Variants in ATP6V1C1 observed in about 807,000 individuals in gnomAD.
ATP6V1C1 encodes the protein V-type proton ATPase subunit C 1.
Under a neutral mutation model 53.9 loss-of-function variants are expected in ATP6V1C1, and 45 were observed. That is an observed-to-expected ratio of 0.83 (90% CI 0.66 to 1.07). ATP6V1C1 has a LOEUF of 1.07. Among genes scored for constraint, ATP6V1C1 ranks in the 50% least tolerant of loss-of-function variants. The pLI is 0.00. For synonymous variants in ATP6V1C1, 153 were observed against 155.2 expected, an observed-to-expected ratio of 0.99 and a Z score of 0.11; for missense variants, 315 against 440.3, an observed-to-expected ratio of 0.72 and a Z score of 2.55.
intron 11 of ATP6V1C1, among the ~76,000 whole-genome samples, chr8:103,065,251 A>G (rs1172683092): frequency 6.6e-6 from 1 of 152,238 alleles, no homozygotes; most frequent in African/African-American, 2.4e-5. Context: ...CATATTAGAA[A>G]TAGTTTTAAA....
At position 103,068,869 on chromosome 8, in the gene ATP6V1C1, G is replaced by A. The variant is rs118043637; in HGVS notation, c.*122G>A. ...GCTTGCTTCTTACGCCCTTTCCTAG[G>A]TGAATTCTCCCACAGTGGTCTGTAT... On this transcript the variant is annotated 3_prime_UTR_variant, in exon 13 of 13. Coordinates refer to ENST00000518738, the MANE Select transcript of ATP6V1C1 (RefSeq NM_001695.5). 153 of 602,306 alleles carry A rather than the reference G, an allele frequency of 2.5e-4. No homozygotes were observed. The highest frequency in any genetic ancestry group is 3.7e-4 in the Non-Finnish European group (141 of 384,842). 37.3% of individuals were successfully genotyped at this position (602,306 alleles called of 1,614,324 possible). A position where few individuals can be genotyped will look rare whatever the true frequency, so the allele number is the denominator to read the frequency against.
intron 1 of ATP6V1C1, among the ~76,000 whole-genome samples, chr8:103,031,649 C>T (rs1202016308): frequency 1.3e-5 from 2 of 152,190 alleles, no homozygotes; most frequent in South Asian, 2.1e-4. Context: ...AGACACCTCC[C>T]ACCAGGCCCC....
intron 8 of ATP6V1C1, among the ~76,000 whole-genome samples, chr8:103,060,115 G>A (rs963087149): frequency 6.6e-6 from 1 of 151,696 alleles, no homozygotes; most frequent in Admixed American, 6.6e-5. Flanking sequence ...TTACAGGCAT[G>A]TGCCACCACA....
At chr8:103,024,048 G>C (rs1816653353) in intron 1 of ATP6V1C1, among the ~76,000 whole-genome samples, 1 of 152,130 alleles carries the variant, frequency 6.6e-6, no homozygotes, top group African/African-American at 2.4e-5. Context: ...TCATCTGGAG[G>C]AAATAATGAA....
intron 1 of ATP6V1C1, among the ~76,000 whole-genome samples, chr8:103,022,894 A>G (rs546566705): frequency 6.6e-6 from 1 of 152,152 alleles, no homozygotes; most frequent in South Asian, 2.1e-4. Context: ...TACCAAAAAT[A>G]AAAAAATAAC....
At chr8:103,056,419 CT>C (rs1817289762) in intron 8 of ATP6V1C1, among the ~76,000 whole-genome samples, 1 of 152,212 alleles carries the variant, frequency 6.6e-6, no homozygotes, top group African/African-American at 2.4e-5. Context: ...TTGTGTGTTC[CT>C]TTTATTTAAA....
chr8:103,030,843 T>C (rs965997903), intron 1 of ATP6V1C1, among the ~76,000 whole-genome samples: 27 of 152,172 alleles, frequency 1.8e-4, no homozygotes, highest in African/African-American at 6.0e-4. Flanking sequence ...GAGCTTATGG[T>C]GCTGGGAGGC....
At chr8:103,053,858 C>A (rs757885994) in intron 6 of ATP6V1C1, 26 bp from the exon 7 acceptor site, 1 of 1,520,148 alleles carries the variant, frequency 6.6e-7, no homozygotes, top group Non-Finnish European at 9.1e-7. Context: ...TAATTATCAG[C>A]CTAATGATTT....
Position 103,070,472 on chromosome 8 carries a change from G to A in ATP6V1C1, c.*1725G>A, listed in dbSNP as rs932132515. The A allele has an allele frequency of 1.3e-5, 2 of 152,238 alleles. No individual in the cohort carries two copies. Among genetic ancestry groups the A allele is most frequent in the Non-Finnish European group, 2.9e-5 (2 of 68,048 alleles). 9.4% of individuals were successfully genotyped at this position (152,238 alleles called of 1,614,324 possible). A position where few individuals can be genotyped will look rare whatever the true frequency, so the allele number is the denominator to read the frequency against. ...GTTTTTCTTTGGACAAGAGGAAGCT[G>A]TGAAAGATTTTGCTATCAGAAAATT... On this transcript the variant is annotated 3_prime_UTR_variant, in exon 13 of 13. Coordinates refer to ENST00000518738, the MANE Select transcript of ATP6V1C1 (RefSeq NM_001695.5).
intron 8 of ATP6V1C1, among the ~76,000 whole-genome samples, chr8:103,060,420 T>C (rs1265050449): frequency 6.6e-6 from 1 of 152,240 alleles, no homozygotes; most frequent in East Asian, 1.9e-4. Flanking sequence ...TGAAACTCCT[T>C]TGAATCCCCT....
rs1469544092 is a variant in ATP6V1C1, at chr8:103,063,059, G to A, written c.734+12G>A. 1 of 1,612,826 alleles carries A rather than the reference G, an allele frequency of 6.2e-7. No individual in the cohort carries two copies. Among genetic ancestry groups the A allele is most frequent in the Non-Finnish European group, 8.5e-7 (1 of 1,179,340 alleles). ...GCCAGAGAAAACAAGTAAGATTATT[G>A]TTTTTTTGTTTATTTACTTTGTTAG... On this transcript the variant is annotated intron_variant, in intron 9 of 12. Transcript: ENST00000518738.
chr8:103,035,356 C>G (rs1816875956), intron 1 of ATP6V1C1, among the ~76,000 whole-genome samples: 1 of 152,068 alleles, frequency 6.6e-6, no homozygotes, highest in Admixed American at 6.6e-5. Context: ...ATTAATTCAA[C>G]AGGCATTTAT....
intron 7 of ATP6V1C1, 85 bp downstream of exon 7, chr8:103,054,067 T>C: frequency 9.2e-7 from 1 of 1,090,828 alleles, no homozygotes; most frequent in Non-Finnish European, 1.3e-6. Flanking sequence ...AAGTTTTCCA[T>C]AAAATCCAAG....
In ATP6V1C1 at chr8:103,069,879, T is replaced by A. The variant is rs1198971583; in HGVS notation, c.*1132T>A. On this transcript the variant is annotated 3_prime_UTR_variant, in exon 13 of 13. Coordinates refer to ENST00000518738, the MANE Select transcript of ATP6V1C1 (RefSeq NM_001695.5). ...GCCTCCAAAATCTTTTGTTTCAAAA[T>A]ATTATATTATTTCATAAATAATTTC... is the stretch of plus-strand genomic sequence containing the variant. 6.6e-6 allele frequency: 1 copy of A among 152,244 alleles called. No individual in the cohort carries two copies. The highest frequency in any genetic ancestry group is 1.5e-5 in the Non-Finnish European group (1 of 68,040). The allele number at this position is 152,244 out of a possible 1,614,324, so 9.4% of individuals were successfully genotyped here. A position where few individuals can be genotyped will look rare whatever the true frequency, so the allele number is the denominator to read the frequency against.
Position 103,062,939 on chromosome 8 carries a change from T to A in ATP6V1C1, c.642-16T>A. 6.3e-7 allele frequency: 1 copy of A among 1,589,442 alleles called. No homozygotes were observed. Among genetic ancestry groups the A allele is most frequent in the Non-Finnish European group, 8.6e-7 (1 of 1,165,046 alleles). ...ATACGTATAAATCTTTAAATGGACT[T>A]TTTTTTTTTCCATAGTGTTCTTTCA... On this transcript the variant is annotated splice_polypyrimidine_tract_variant and intron_variant, in intron 8 of 12. Coordinates refer to ENST00000518738, the MANE Select transcript of ATP6V1C1 (RefSeq NM_001695.5).
At chr8:103,057,123 G>T (rs922131976) in intron 8 of ATP6V1C1, among the ~76,000 whole-genome samples, 10 of 152,216 alleles carry the variant, frequency 6.6e-5, no homozygotes, top group African/African-American at 2.4e-4. Context: ...ATGAAAGAAA[G>T]TACACTCCAC....
chr8:103,064,209 G>A (rs1024721959), intron 10 of ATP6V1C1, among the ~76,000 whole-genome samples: 2 of 152,120 alleles, frequency 1.3e-5, no homozygotes, highest in Non-Finnish European at 2.9e-5. Context: ...AGAATGTAAA[G>A]AGGTTTTAGA....
intron 11 of ATP6V1C1, 51 bp from the exon 12 acceptor site, chr8:103,066,270 C>T (rs772503584): frequency 7.1e-6 from 11 of 1,551,850 alleles, no homozygotes; most frequent in Non-Finnish European, 7.8e-6. Context: ...AAAAGAAAAT[C>T]TCTTTACATG....
At position 103,024,963 on chromosome 8, in the gene ATP6V1C1, T is replaced by C. The variant is rs536424588; in HGVS notation, c.-40+3738T>C. On this transcript the variant is annotated intron_variant, in intron 1 of 12. Transcript: ENST00000518738. The stretch of plus-strand genomic sequence containing the variant: ...ACTATGCATTTATTGAGTTAAAAAA[T>C]GAGCCAGGTAGGCAGTGGAGGAGAA... Among the ~76,000 whole-genome samples the C allele has an allele frequency of 1.3e-4, 20 of 152,272 alleles. No homozygotes were observed. The South Asian group carries it at 4.1e-3, about 32-fold the overall frequency.
Sources: allele counts gnomAD v4.1 joint callset (sites outside exome capture counted in the v4.1 genomes callset), GRCh38; gene constraint gnomAD v4.1.1; transcripts MANE v1.5; gene names NCBI Gene and HGNC (gene_info 2026-07-23, HGNC 2026-07-21).